TMEM232: variants seen among roughly 807,000 people sequenced by gnomAD.
TMEM232 encodes transmembrane protein 232.
In TMEM232, 80 loss-of-function variants were observed where a neutral mutation model predicts 78.8. The ratio of observed to expected loss-of-function variants is 1.01; its 90% confidence interval spans 0.85 to 1.22. The LOEUF (loss-of-function observed/expected upper bound fraction) is 1.22. TMEM232 is among the 50% of genes most tolerant of loss of function. The probability of loss-of-function intolerance (pLI) is 0.00; values close to 1 mark genes in which losing one functional copy is unlikely to be tolerated. For synonymous variants in TMEM232, 297 were observed against 254.3 expected, an observed-to-expected ratio of 1.17 and a Z score of -1.60; for missense variants, 881 against 742.2, an observed-to-expected ratio of 1.19 and a Z score of -2.17.
At chr5:110,499,902 CAT>C (rs977119629) in intron 12 of TMEM232, among the ~76,000 whole-genome samples, 1 of 152,074 alleles carries the variant, frequency 6.6e-6, no homozygotes, top group Admixed American at 6.6e-5. Flanking sequence ...CCTAATTTGA[CAT>C]ATAGAACAAC....
At chr5:110,543,881 T>A (rs1455088421) in intron 11 of TMEM232, among the ~76,000 whole-genome samples, 1 of 152,232 alleles carries the variant, frequency 6.6e-6, no homozygotes, top group Non-Finnish European at 1.5e-5. Context: ...TCTTCTATAG[T>A]TATCTTCCTT....
At chr5:110,451,466 G>T (rs1055754236) in intron 12 of TMEM232, among the ~76,000 whole-genome samples, 1 of 152,084 alleles carries the variant, frequency 6.6e-6, no homozygotes, top group African/African-American at 2.4e-5. Context: ...TCTTAGGTTG[G>T]TTTGCAAGAG....
intron 12 of TMEM232, among the ~76,000 whole-genome samples, chr5:110,506,106 G>A (rs777369459): frequency 6.6e-5 from 10 of 152,120 alleles, no homozygotes; most frequent in Non-Finnish European, 1.3e-4. Context: ...CCAAGACTGT[G>A]ATAACCACAG....
At chr5:110,672,830 G>A (rs1263829023) in intron 1 of TMEM232, among the ~76,000 whole-genome samples, 1 of 151,356 alleles carries the variant, frequency 6.6e-6, no homozygotes, top group Non-Finnish European at 1.5e-5. Flanking sequence ...TATTTTTATT[G>A]TTATTATTAT....
rs1309645264 is a variant in TMEM232 at position 110,642,300 on chromosome 5, T to G, written c.197A>C (p.Glu66Ala). ...GATTTTTCTAGCTAGTTCCAACAAT[T>G]CTTCCTTCTCTTTGGAATTTTGTGT... ...NQTQNSKEKE[E>A]LLELARKIIL... The change falls in exon 3 of 14, where the codon GAA (glutamate) becomes GCA (alanine). Residue 66 changes from glutamate to alanine, a missense_variant. Transcript: ENST00000455884. 6.5e-7 allele frequency: 1 copy of G among 1,539,670 alleles called. No individual in the cohort carries two copies. The highest frequency in any genetic ancestry group is 1.4e-5 in the African/African-American group (1 of 72,268).
At chr5:110,473,214 A>G (rs1167560267) in intron 12 of TMEM232, among the ~76,000 whole-genome samples, 1 of 152,000 alleles carries the variant, frequency 6.6e-6, no homozygotes, top group African/African-American at 2.4e-5. Context: ...AATAACCAGA[A>G]TATACAAGAA....
intron 1 of TMEM232, among the ~76,000 whole-genome samples, chr5:110,705,612 G>A (rs1357541031): frequency 6.8e-6 from 1 of 147,164 alleles, no homozygotes; most frequent in African/African-American, 2.5e-5. Flanking sequence ...GGATGCAGAA[G>A]CAGAAGGTAT....
intron 1 of TMEM232, among the ~76,000 whole-genome samples, chr5:110,704,535 A>AC (rs1318087897): frequency 6.6e-6 from 1 of 152,024 alleles, no homozygotes; most frequent in Non-Finnish European, 1.5e-5. Flanking sequence ...TGTTATGATG[A>AC]CTGAATGTCT....
intron 5 of TMEM232, among the ~76,000 whole-genome samples, chr5:110,635,404 T>C (rs899004515): frequency 1.3e-5 from 2 of 151,756 alleles, no homozygotes; most frequent in African/African-American, 4.8e-5. Flanking sequence ...CAGGCTAATA[T>C]CCCTAATGCA....
intron 1 of TMEM232, among the ~76,000 whole-genome samples, chr5:110,678,119 C>T (rs1202660666): frequency 1.3e-5 from 2 of 152,160 alleles, no homozygotes; most frequent in Admixed American, 1.3e-4. Flanking sequence ...GGCTAGAGTG[C>T]AATGGTGCAG....
chr5:110,512,624 C>T (rs1767946613), intron 12 of TMEM232, among the ~76,000 whole-genome samples: 2 of 152,160 alleles, frequency 1.3e-5, no homozygotes, highest in African/African-American at 4.8e-5. Flanking sequence ...AACATCTGCC[C>T]TGGATACGAA....
At chr5:110,680,257 G>C (rs1305418959) in intron 1 of TMEM232, among the ~76,000 whole-genome samples, 2 of 151,920 alleles carry the variant, frequency 1.3e-5, no homozygotes, top group East Asian at 1.9e-4. Flanking sequence ...AATTAGCTGG[G>C]TGTGGTGGCA....
intron 12 of TMEM232, 98 bp from the exon 13 acceptor site, chr5:110,425,014 T>C: frequency 2.3e-6 from 2 of 883,970 alleles, no homozygotes; most frequent in Non-Finnish European, 3.5e-6. Context: ...TATTAAGCAT[T>C]TTGATTCTTC....
intron 1 of TMEM232, among the ~76,000 whole-genome samples, chr5:110,669,931 AC>A (rs1385508542): frequency 5.3e-5 from 8 of 151,970 alleles, no homozygotes; most frequent in South Asian, 4.2e-4. Context: ...AAATTCAACA[AC>A]CCTTCATGCT....
At chr5:110,715,844 T>G (rs1796953211) in intron 1 of TMEM232, among the ~76,000 whole-genome samples, 1 of 152,154 alleles carries the variant, frequency 6.6e-6, no homozygotes, top group African/African-American at 2.4e-5. Flanking sequence ...ATATTTACAA[T>G]CTATTCTCTC....
intron 12 of TMEM232, among the ~76,000 whole-genome samples, chr5:110,435,942 TA>T (rs779409322): frequency 6.6e-6 from 1 of 151,930 alleles, no homozygotes; most frequent in Non-Finnish European, 1.5e-5. Flanking sequence ...AACTCTTCTA[TA>T]TATGGATTTC....
At chr5:110,669,357 T>C (rs1243499726) in intron 1 of TMEM232, among the ~76,000 whole-genome samples, 4 of 152,096 alleles carry the variant, frequency 2.6e-5, no homozygotes, top group Admixed American at 1.3e-4. Flanking sequence ...AACACCTCTA[T>C]GCAAATAAAC....
intron 12 of TMEM232, among the ~76,000 whole-genome samples, chr5:110,495,163 G>A (rs1320028640): frequency 6.6e-6 from 1 of 151,416 alleles, no homozygotes; most frequent in Non-Finnish European, 1.5e-5. Flanking sequence ...CAAAAATTGA[G>A]TAATTTTAGA....
intron 2 of TMEM232, among the ~76,000 whole-genome samples, chr5:110,656,053 A>G (rs1789004049): frequency 6.7e-6 from 1 of 149,970 alleles, no homozygotes; most frequent in African/African-American, 2.5e-5. Flanking sequence ...CTTAAAGTAT[A>G]ATAAAAAAAA....
Sources: gnomAD v4.1 joint callset for allele counts (sites outside exome capture counted in the v4.1 genomes callset) on GRCh38, gnomAD v4.1.1 for gene constraint, MANE v1.5 for transcripts, NCBI Gene and HGNC (gene_info 2026-07-23, HGNC 2026-07-21) for gene names.